The following PGA5 variants were observed in gnomAD, a reference collection of about 807,000 sequenced individuals.
PGA5 encodes the protein pepsin A-5.
Under a neutral mutation model 15.9 loss-of-function variants are expected in PGA5, and 19 were observed. The observed-to-expected ratio is 1.19, with a 90% CI of 0.83 to 1.75. The LOEUF (loss-of-function observed/expected upper bound fraction) is 1.75, where lower values mean the gene tolerates loss of function less well. Ranked by LOEUF, PGA5 falls within the 40% of genes most tolerant of loss-of-function variation. The probability of loss-of-function intolerance (pLI) is 0.00; values close to 1 mark genes in which losing one functional copy is unlikely to be tolerated. For missense variants in PGA5, 224 were observed against 246.4 expected, an observed-to-expected ratio of 0.91 and a Z score of 0.61; for synonymous variants, 92 against 95.8, an observed-to-expected ratio of 0.96 and a Z score of 0.23.
intron 5 of PGA5, among the ~76,000 whole-genome samples, chr11:61,247,079 C>T (rs1411363939): frequency 6.6e-6 from 1 of 151,980 alleles, no homozygotes; most frequent in Non-Finnish European, 1.5e-5. Flanking sequence ...TTTCTTAAGA[C>T]ATTCAGCTTT....
In PGA5 at chr11:61,250,016, T is replaced by C. The variant is rs980867036; in HGVS notation, c.1017+2T>C. ...CCACCCAGTGCCTACATCCTGCAGG[T>C]GAGGAGGCTCTGGACCATCCACTAG... On this transcript the variant is annotated splice_donor_variant, in intron 8 of 8. Transcript: ENST00000312403. LOFTEE classifies it high-confidence loss of function. The C allele has an allele frequency of 2.7e-5, 43 of 1,605,870 alleles. 5 individuals carry two copies. In the Admixed American group the frequency reaches 7.0e-4, roughly 26 times the overall value.
chr11:61,247,267 C>T (rs191360544), intron 5 of PGA5, among the ~76,000 whole-genome samples: 5 of 150,420 alleles, frequency 3.3e-5, no homozygotes, highest in Admixed American at 2.0e-4. Flanking sequence ...GGCCAGTTCT[C>T]GGATGATTAA....
chr11:61,250,052 A>G (rs1854119558), intron 8 of PGA5, 38 bp downstream of exon 8: 1 of 1,599,610 alleles, frequency 6.3e-7, no homozygotes, highest in African/African-American at 1.4e-5. Context: ...AGAGGTTCAC[A>G]CAGAATGTGG....
intron 6 of PGA5, among the ~76,000 whole-genome samples, chr11:61,248,754 C>A: frequency 6.6e-6 from 1 of 152,072 alleles, no homozygotes; most frequent in East Asian, 1.9e-4. Flanking sequence ...TGAGACTCTG[C>A]AAGGGTGAGA....
At chr11:61,248,624 C>A in intron 6 of PGA5, 89 bp downstream of exon 6, 1 of 1,568,910 alleles carries the variant, frequency 6.4e-7, no homozygotes, top group South Asian at 1.1e-5. Flanking sequence ...TTCCAGAATC[C>A]CCCCAGGAAC....
At chr11:61,250,992 G>A (rs1026629416) in intron 8 of PGA5, 140 bp from the exon 9 acceptor site, 10 of 1,526,610 alleles carry the variant, frequency 6.6e-6, no homozygotes, top group East Asian at 4.5e-5. Context: ...AAGAACAGCC[G>A]AATCCCTGGA....
At chr11:61,246,283 G>A (rs1313108620) in intron 5 of PGA5, 138 bp downstream of exon 5, 4 of 234,898 alleles carry the variant, frequency 1.7e-5, no homozygotes, top group African/African-American at 1.0e-4. Flanking sequence ...AATGTCTGAG[G>A]CTGGAGAAGT....
chr11:61,245,991 A>T lies in PGA5; in HGVS notation c.502A>T (p.Thr168Ser), dbSNP rs1267883542. Residue 168 changes from threonine to serine, a missense_variant, in exon 5 of 9, where the codon ACG becomes TCG. Physicochemically the swap from Thr to Ser is moderately conservative, Grantham distance 58. Coordinates refer to ENST00000312403, the MANE Select transcript of PGA5 (RefSeq NM_014224.5). ...CAATCAGATCTTCGGCCTGAGCGAG[A>T]CGGAACCTGGCTCCTTCCTGTATTA... Reference protein sequence around the residue: ...DTNQIFGLSETEPGSFLYYAP... With the variant: ...DTNQIFGLSESEPGSFLYYAP... 3 of 318,072 alleles carry T rather than the reference A, an allele frequency of 9.4e-6. No homozygotes were observed. The highest frequency in any genetic ancestry group is 7.2e-5 in the South Asian group (3 of 41,580). The allele number at this position is 318,072 out of a possible 1,614,324, so 19.7% of individuals were successfully genotyped here. A position where few individuals can be genotyped will look rare whatever the true frequency, so the allele number is the denominator to read the frequency against.
In PGA5 at chr11:61,249,790, G is replaced by C; in HGVS notation, c.895G>C (p.Ala299Pro). Residue 299 changes from alanine (A) to proline (P), a missense_variant, in exon 7 of 9, where the codon GCC becomes CCC. Coordinates refer to ENST00000312403, the MANE Select transcript of PGA5 (RefSeq NM_014224.5). ...TGCCAACATCCAGAGCGACATCGGA[G>C]CCAGCGAGAACTCAGATGGCGACGT... ...PIANIQSDIGASENSDGDMVV... is the reference protein window; with the variant it reads ...PIANIQSDIGPSENSDGDMVV... 1 of 1,613,672 alleles carries C rather than the reference G, an allele frequency of 6.2e-7. No individual in the cohort carries two copies. Among genetic ancestry groups the C allele is most frequent in the East Asian group, 2.2e-5 (1 of 44,882 alleles).
At chr11:61,246,437 T>A (rs904078112) in intron 5 of PGA5, among the ~76,000 whole-genome samples, 19 of 151,792 alleles carry the variant, frequency 1.3e-4, no homozygotes, top group Non-Finnish European at 1.5e-5. Context: ...TCCCTCACCC[T>A]TGGCCCCCAA....
intron 7 of PGA5, 37 bp downstream of exon 7, chr11:61,249,850 G>A: frequency 6.2e-7 from 1 of 1,613,718 alleles, no homozygotes; most frequent in Non-Finnish European, 8.5e-7. Context: ...CTACACTCAA[G>A]TAGTGGGTGT....
intron 6 of PGA5, 129 bp downstream of exon 6, chr11:61,248,664 G>A: frequency 6.4e-7 from 1 of 1,554,094 alleles, no homozygotes. Flanking sequence ...ACTCCAGGGG[G>A]AAGGTGGAAG....
intron 5 of PGA5, 58 bp from the exon 6 acceptor site, chr11:61,248,361 A>G: frequency 6.2e-7 from 1 of 1,613,850 alleles, no homozygotes; most frequent in Non-Finnish European, 8.5e-7. Context: ...GCAACAGCAG[A>G]TGGTCACACA....
chr11:61,248,388 A>G, intron 5 of PGA5, 31 bp from the exon 6 acceptor site: 3 of 1,613,784 alleles, frequency 1.9e-6, no homozygotes, highest in Non-Finnish European at 2.5e-6. Context: ...CGAACAAAAA[A>G]ATTCATGTCT....
intron 6 of PGA5, 134 bp from the exon 7 acceptor site, chr11:61,249,535 A>G: frequency 6.6e-7 from 1 of 1,510,768 alleles, no homozygotes; most frequent in Non-Finnish European, 9.1e-7. Context: ...GAGTGCGTGA[A>G]CGAGAGGAAC....
rs749454365 is a variant in PGA5 at position 61,249,501 on chromosome 11, A to T, written c.774-168A>T. The T allele has an allele frequency of 2.6e-4, 335 of 1,288,390 alleles. 1 individual carries two copies. The highest frequency in any genetic ancestry group is 3.5e-4 in the Non-Finnish European group (322 of 926,286). 79.8% of individuals were successfully genotyped at this position (1,288,390 alleles called of 1,614,324 possible). On this transcript the variant is annotated intron_variant, in intron 6 of 8. Transcript: ENST00000312403. ...GGGTAGGCACTTGGGAAATATTTGTAGGGTAAATGAATGCGGGATGAATGA... is the reference window on the plus strand; with the variant it reads ...GGGTAGGCACTTGGGAAATATTTGTTGGGTAAATGAATGCGGGATGAATGA...
intron 8 of PGA5, among the ~76,000 whole-genome samples, chr11:61,250,530 A>G (rs1422034404): frequency 6.6e-6 from 1 of 151,696 alleles, no homozygotes; most frequent in Non-Finnish European, 1.5e-5. Context: ...TACGAGCCAC[A>G]AGAAAACTCT....
At position 61,250,786 on chromosome 11, in the gene PGA5, A is replaced by G. The variant is rs779014448; in HGVS notation, c.1018-346A>G. On this transcript the variant is annotated intron_variant, in intron 8 of 8. Transcript: ENST00000312403. ...TAGCTCATCTGGTTTGTCCCTGATGAGATAAGAATAATAATGAGAAAAGGA... is the reference window on the plus strand; with the variant it reads ...TAGCTCATCTGGTTTGTCCCTGATGGGATAAGAATAATAATGAGAAAAGGA... The G allele has an allele frequency of 4.7e-4, 245 of 520,048 alleles. 1 individual carries two copies. The highest frequency in any genetic ancestry group is 1.4e-3 in the African/African-American group (75 of 52,216). 32.2% of individuals were successfully genotyped at this position (520,048 alleles called of 1,614,324 possible). A position where few individuals can be genotyped will look rare whatever the true frequency, so the allele number is the denominator to read the frequency against.
Position 61,251,400 on chromosome 11 carries a change from C to G in PGA5, c.*119C>G, listed in dbSNP as rs1257360439. 1.3e-6 allele frequency: 2 copies of G among 1,508,060 alleles called. No individual in the cohort carries two copies. Among genetic ancestry groups the G allele is most frequent in the African/African-American group, 3.1e-5 (2 of 64,732 alleles). 93.4% of individuals were successfully genotyped at this position (1,508,060 alleles called of 1,614,324 possible). On this transcript the variant is annotated 3_prime_UTR_variant, in exon 9 of 9. Coordinates refer to ENST00000312403, the MANE Select transcript of PGA5 (RefSeq NM_014224.5). ...GGAGTGTGAAGGTCTTGGCCCTGTT[C>G]CCTGTCCTACCAATAACGTAGAATA...
Sources: allele counts gnomAD v4.1 joint callset (sites outside exome capture counted in the v4.1 genomes callset), GRCh38; gene constraint gnomAD v4.1.1; transcripts MANE v1.5; gene names NCBI Gene and HGNC (gene_info 2026-07-23, HGNC 2026-07-21).